Variants in CRPPA observed in about 807,000 individuals in gnomAD.
The protein encoded by CRPPA is CDP-L-ribitol pyrophosphorylase A.
CRPPA carries 43 observed loss-of-function variants against 52.0 expected under a neutral mutation model. The ratio of observed to expected loss-of-function variants is 0.83; its 90% CI spans 0.65 to 1.07. The LOEUF (loss-of-function observed/expected upper bound fraction) is 1.07, where lower values mean the gene tolerates loss of function less well. Ranked by LOEUF, CRPPA falls within the 50% of genes least tolerant of loss-of-function variation. CRPPA has a pLI of 0.00. For synonymous variants in CRPPA, 250 were observed against 203.5 expected (o/e 1.23, Z -1.94); for missense variants, 629 against 551.7 (o/e 1.14, Z -1.40).
intron 5 of CRPPA, among the ~76,000 whole-genome samples, chr7:16,286,080 T>TATAA (rs1554309866): frequency 5.7e-5 from 1 of 17,506 alleles, no homozygotes; most frequent in Non-Finnish European, 9.0e-5. Context: ...TATATATATA[T>TATAA]AATATTTAAA....
intron 3 of CRPPA, among the ~76,000 whole-genome samples, chr7:16,309,919 A>G (rs1204838522): frequency 2.6e-5 from 4 of 152,182 alleles, no homozygotes; most frequent in African/African-American, 7.2e-5. Context: ...CATTAGATGT[A>G]TATTCTAAAT....
At chr7:16,348,628 A>C (rs917934032) in intron 3 of CRPPA, among the ~76,000 whole-genome samples, 1 of 152,026 alleles carries the variant, frequency 6.6e-6, no homozygotes, top group Non-Finnish European at 1.5e-5. Context: ...GCAGAAAAAA[A>C]CTCTCATTTT....
At position 16,342,763 on chromosome 7, in the gene CRPPA, C is replaced by CAAAAAAAAAAAAAAAAA. The variant is rs368521163; in HGVS notation, c.684+33312_684+33328dup. Reference sequence around the variant, plus strand: ...GGCAACAGGATGAACCCTGTCTCCACAAAAAAAAAAAAAAAAAAAATATAT... The same window carrying CAAAAAAAAAAAAAAAAA: ...GGCAACAGGATGAACCCTGTCTCCACAAAAAAAAAAAAAAAAAAAAAAAAAAAAAAAAAAAAATATAT... On this transcript the variant is annotated intron_variant, in intron 3 of 9. Transcript: ENST00000407010. Among the ~76,000 whole-genome samples the CAAAAAAAAAAAAAAAAA allele has an allele frequency of 3.5e-4, 23 of 64,938 alleles. 2 individuals are homozygous for CAAAAAAAAAAAAAAAAA. The highest frequency in any genetic ancestry group is 5.3e-4 in the Admixed American group (3 of 5,676). 42.6% of individuals were successfully genotyped at this position (64,938 alleles called of 152,430 possible).
intron 9 of CRPPA, among the ~76,000 whole-genome samples, chr7:16,163,222 C>T (rs1182033579): frequency 6.6e-6 from 1 of 152,038 alleles, no homozygotes; most frequent in Non-Finnish European, 1.5e-5. Flanking sequence ...GATCTGCCTG[C>T]CTCAGCCTCC....
intron 2 of CRPPA, among the ~76,000 whole-genome samples, chr7:16,383,096 C>T (rs1281827968): frequency 2.0e-5 from 3 of 152,172 alleles, no homozygotes; most frequent in East Asian, 3.9e-4. Flanking sequence ...AGTTTTTCTG[C>T]TCTGTTTTTT....
intron 5 of CRPPA, among the ~76,000 whole-genome samples, chr7:16,297,931 T>G (rs72506102): frequency 0.1 from 15,195 of 152,238 alleles, 911 homozygotes; most frequent in East Asian, 0.26. Flanking sequence ...TATCTATATC[T>G]CTGTATATCC....
chr7:16,212,731 T>G (rs758422211), intron 9 of CRPPA, among the ~76,000 whole-genome samples: 1 of 152,154 alleles, frequency 6.6e-6, no homozygotes, highest in Non-Finnish European at 1.5e-5. Flanking sequence ...CAACATAGGC[T>G]TTAATGTGGA....
intron 9 of CRPPA, among the ~76,000 whole-genome samples, chr7:16,093,191 T>C (rs1213299180): frequency 6.6e-6 from 1 of 152,194 alleles, no homozygotes; most frequent in African/African-American, 2.4e-5. Context: ...TCTATGAATA[T>C]GGAACACTTT....
chr7:16,156,115 CAAAAAAA>C (rs35258024), intron 9 of CRPPA, among the ~76,000 whole-genome samples: 1 of 111,992 alleles, frequency 8.9e-6, no homozygotes. Flanking sequence ...TATTCAAAAG[CAAAAAAA>C]AAAAAAAAAA....
chr7:16,200,011 C>T (rs762024386), intron 9 of CRPPA, among the ~76,000 whole-genome samples: 1 of 152,002 alleles, frequency 6.6e-6, no homozygotes, highest in African/African-American at 2.4e-5. Context: ...ACAGACAACA[C>T]CACGCCCAGT....
At chr7:16,366,124 C>T (rs1583551449) in intron 3 of CRPPA, among the ~76,000 whole-genome samples, 1 of 152,156 alleles carries the variant, frequency 6.6e-6, no homozygotes, top group African/African-American at 2.4e-5. Flanking sequence ...CTTCTTGTTG[C>T]ATCATCACTT....
At chr7:16,201,914 G>A (rs1781869463) in intron 9 of CRPPA, among the ~76,000 whole-genome samples, 1 of 152,130 alleles carries the variant, frequency 6.6e-6, no homozygotes, top group African/African-American at 2.4e-5. Flanking sequence ...GTACCAGGTT[G>A]AATAGAAATG....
At chr7:16,295,443 T>C (rs139616140) in intron 5 of CRPPA, among the ~76,000 whole-genome samples, 4 of 152,160 alleles carry the variant, frequency 2.6e-5, no homozygotes, top group South Asian at 4.2e-4. Context: ...CACACAACCA[T>C]ATATGAAAAC....
intron 8 of CRPPA, among the ~76,000 whole-genome samples, chr7:16,222,819 T>C (rs1448728167): frequency 2.6e-5 from 4 of 152,178 alleles, no homozygotes; most frequent in East Asian, 1.9e-4. Context: ...TTTTTACTGA[T>C]ACATAATACT....
Position 16,184,936 on chromosome 7 carries a change from G to C in CRPPA, c.1251+31130C>G, listed in dbSNP as rs544719685. Among the ~76,000 whole-genome samples, 4 of 152,264 alleles carry C rather than the reference G, an allele frequency of 2.6e-5. No homozygotes were observed. In the South Asian group the frequency reaches 8.3e-4, roughly 32 times the overall value. On this transcript the variant is annotated intron_variant, in intron 9 of 9. Coordinates refer to ENST00000407010, the MANE Select transcript of CRPPA (RefSeq NM_001101426.4). ...TCACCATTCCTATAGAATCTTTTAA[G>C]TGATTTACAATGTTGTTTTGGACAT...
In CRPPA at chr7:16,149,993, A is replaced by G. The variant is rs555613948; in HGVS notation, c.1252-58194T>C. 2.2e-4 allele frequency among the ~76,000 whole-genome samples: 34 copies of G among 151,906 alleles called. 1 individual carries two copies. The highest frequency in any genetic ancestry group is 3.4e-3 in the Middle Eastern group (1 of 294). On this transcript the variant is annotated intron_variant, in intron 9 of 9. Transcript: ENST00000407010. ...ACAGCGAGAGTCATTAAAAAAAAAA[A>G]AGAGAGAGAAAAGAAAAAAAGAAAC... is the stretch of plus-strand genomic sequence containing the variant.
intron 1 of CRPPA, 83 bp from the exon 2 acceptor site, chr7:16,406,420 G>T: frequency 8.3e-7 from 1 of 1,201,340 alleles, no homozygotes; most frequent in South Asian, 1.5e-5. Context: ...CACTAGTATT[G>T]GTATATTTAA....
At chr7:16,145,554 C>T (rs2128377228) in intron 9 of CRPPA, among the ~76,000 whole-genome samples, 1 of 150,442 alleles carries the variant, frequency 6.6e-6, no homozygotes, top group South Asian at 2.1e-4. Flanking sequence ...CAATAAGCTA[C>T]AAGAGAATGT....
At chr7:16,217,024 C>A (rs1387608285) in intron 8 of CRPPA, among the ~76,000 whole-genome samples, 2 of 151,700 alleles carry the variant, frequency 1.3e-5, no homozygotes, top group Non-Finnish European at 1.5e-5. Context: ...GTAACGTCTG[C>A]AGACTTAAAT....
Sources: allele counts gnomAD v4.1 joint callset (sites outside exome capture counted in the v4.1 genomes callset), GRCh38; gene constraint gnomAD v4.1.1; transcripts MANE v1.5; gene names NCBI Gene and HGNC (gene_info 2026-07-23, HGNC 2026-07-21).